POLG: variants seen among roughly 807,000 people sequenced by gnomAD.
POLG encodes the protein DNA polymerase subunit gamma-1.
POLG carries 110 observed loss-of-function variants against 155.4 expected under a neutral mutation model. The ratio of observed to expected loss-of-function variants is 0.71; its 90% CI spans 0.61 to 0.83. POLG has a LOEUF of 0.83. Ranked by LOEUF, POLG falls within the 40% of genes least tolerant of loss-of-function variation. POLG has a pLI of 0.00. For missense variants in POLG, 1,685 were observed against 1,627.5 expected (o/e 1.04, Z -0.61); for synonymous variants, 701 against 631.5 (o/e 1.11, Z -1.65).
intron 6 of POLG, among the ~76,000 whole-genome samples, chr15:89,328,086 A>C (rs931068950): frequency 1.3e-5 from 2 of 151,366 alleles, no homozygotes; most frequent in Non-Finnish European, 2.9e-5. Flanking sequence ...TTTTCTTTCC[A>C]TATCTTTGGT....
At chr15:89,329,955 C>T (rs372653026) in intron 3 of POLG, 126 bp downstream of exon 3, 51 of 807,374 alleles carry the variant, frequency 6.3e-5, no homozygotes, top group African/African-American at 4.0e-4. Flanking sequence ...TCAACAGATG[C>T]GCCTTGCGGC....
At chr15:89,332,703 T>G (rs1293235589) in intron 2 of POLG, among the ~76,000 whole-genome samples, 1 of 152,124 alleles carries the variant, frequency 6.6e-6, no homozygotes, top group East Asian at 1.9e-4. Context: ...GGGAGCTTTC[T>G]ACCGCCCAAA....
At chr15:89,334,021 G>A in intron 1 of POLG, 108 bp from the exon 2 acceptor site, 2 of 536,152 alleles carry the variant, frequency 3.7e-6, no homozygotes, top group East Asian at 3.4e-5. Flanking sequence ...TGTGCCAGGC[G>A]CTTCAGTTGC....
chr15:89,325,831 C>G, intron 9 of POLG, 145 bp from the exon 10 acceptor site: 1 of 739,740 alleles, frequency 1.4e-6, no homozygotes, highest in Non-Finnish European at 2.4e-6. Context: ...ATCCCCTCCT[C>G]TGGGATGCTT....
chr15:89,319,006 C>T lies in POLG; in HGVS notation c.3198G>A (p.Thr1066=), dbSNP rs61752780. 7.2e-3 allele frequency: 11,586 copies of T among 1,614,144 alleles called. 62 individuals carry two copies. Among genetic ancestry groups the T allele is most frequent in the South Asian group, 0.013 (1,177 of 91,076 alleles). Reference sequence around the variant, plus strand: ...GCACCGGGGTACGTGGTATGTCAGACGTAGCAATGCTCTCAAGCTTATTGA... The same window carrying T: ...GCACCGGGGTACGTGGTATGTCAGATGTAGCAATGCTCTCAAGCTTATTGA... ...EMFNKLESIA[T]SDIPRTPVLG... The change falls in exon 20 of 23, where the codon ACG becomes ACA. Residue 1066 remains threonine (T), a synonymous_variant. Coordinates refer to ENST00000268124, the MANE Select transcript of POLG (RefSeq NM_002693.3).
chr15:89,319,522 G>C, intron 18 of POLG, 172 bp from the exon 19 acceptor site: 3 of 859,386 alleles, frequency 3.5e-6, no homozygotes, highest in African/African-American at 1.7e-5. Context: ...TAAGTGCCTT[G>C]CCTAGGATCA....
chr15:89,323,355 T>C (rs2055425531), intron 13 of POLG, 49 bp downstream of exon 13: 1 of 1,228,616 alleles, frequency 8.1e-7, no homozygotes, highest in Non-Finnish European at 1.2e-6. Context: ...CTGTGGGCCT[T>C]GAGCAGAATG....
chr15:89,323,270 T>G, intron 13 of POLG, 134 bp downstream of exon 13: 1 of 704,228 alleles, frequency 1.4e-6, no homozygotes, highest in Non-Finnish European at 2.6e-6. Context: ...AGTATGTGCC[T>G]GAAATCACAC....
At chr15:89,327,834 C>T (rs1470209806) in intron 6 of POLG, among the ~76,000 whole-genome samples, 1 of 151,986 alleles carries the variant, frequency 6.6e-6, no homozygotes, top group East Asian at 1.9e-4. Flanking sequence ...GCCTACTCAA[C>T]GTGAAGGATA....
chr15:89,319,816 AC>A (rs2152060197), intron 18 of POLG, among the ~76,000 whole-genome samples: 1 of 152,214 alleles, frequency 6.6e-6, no homozygotes, highest in East Asian at 1.9e-4. Context: ...GGCCTGGCTT[AC>A]CCCTCTCAAC....
chr15:89,318,478 A>C, intron 21 of POLG, 63 bp downstream of exon 21: 1 of 1,379,818 alleles, frequency 7.2e-7, no homozygotes, highest in South Asian at 1.2e-5. Flanking sequence ...GGCCCAAGGA[A>C]CGCTCACCCA....
In POLG at chr15:89,321,130, A is replaced by C; in HGVS notation, c.2729T>G (p.Met910Arg). Residue 910 changes from methionine (M) to arginine (R), a missense_variant, in exon 17 of 23, where the codon ATG (methionine) becomes AGG (arginine). Transcript: ENST00000268124. Reference protein sequence around the residue: ...AVLGDAHFAGMHGCTAFGWMT... With the variant: ...AVLGDAHFAGRHGCTAFGWMT... Reference sequence around the variant, plus strand: ...CAACCCCGGCTCCTGCTCACCATGCATGCCGGCAAAGTGGGCGTCTCCAAG... The same window carrying C: ...CAACCCCGGCTCCTGCTCACCATGCCTGCCGGCAAAGTGGGCGTCTCCAAG... 6.2e-7 allele frequency: 1 copy of C among 1,614,238 alleles called. No homozygotes were observed. The highest frequency in any genetic ancestry group is 8.5e-7 in the Non-Finnish European group (1 of 1,180,038).
chr15:89,326,841 G>A (rs1288358944), intron 8 of POLG, 71 bp downstream of exon 8: 1 of 1,608,940 alleles, frequency 6.2e-7, no homozygotes, highest in South Asian at 1.1e-5. Context: ...CCTTTCGAAG[G>A]ACCCCCTCAA....
At chr15:89,319,467 T>TC (rs775262502) in intron 18 of POLG, 117 bp from the exon 19 acceptor site, 30 of 1,372,058 alleles carry the variant, frequency 2.2e-5, no homozygotes, top group African/African-American at 1.9e-4. Flanking sequence ...ATCATGCCAG[T>TC]CCCCTAAAGG....
chr15:89,317,218 C>A, intron 22 of POLG, 158 bp downstream of exon 22: 1 of 685,212 alleles, frequency 1.5e-6, no homozygotes, highest in South Asian at 1.7e-5. Context: ...ATCACATTCA[C>A]TCTGGACACA....
At chr15:89,318,808 G>C in intron 20 of POLG, 59 bp from the exon 21 acceptor site, 1 of 1,562,308 alleles carries the variant, frequency 6.4e-7, no homozygotes, top group South Asian at 1.1e-5. Context: ...ATTAACTCCA[G>C]GGTAGAAGCC....
Position 89,321,870 on chromosome 15 carries a change from G to A in POLG, c.2481-17C>T, listed in dbSNP as rs552156978. ...TCGGGGTGCCTGGTGGGGTGCAGGG[G>A]AAGGAAATGGGTCTTAGCAGGGTGC... is the stretch of plus-strand genomic sequence containing the variant. On this transcript the variant is annotated splice_polypyrimidine_tract_variant and intron_variant, in intron 15 of 22. Coordinates refer to ENST00000268124, the MANE Select transcript of POLG (RefSeq NM_002693.3). The A allele has an allele frequency of 5.0e-6, 8 of 1,609,574 alleles. No homozygotes were observed. The Admixed American group carries it at 8.3e-5, about 17-fold the overall frequency.
At chr15:89,323,049 A>ACGCG (rs1225494534) in intron 13 of POLG, 147 bp from the exon 14 acceptor site, 2 of 753,888 alleles carry the variant, frequency 2.7e-6, no homozygotes, top group Admixed American at 2.4e-5. Context: ...GCACGCGCGC[A>ACGCG]CGCGCGCACG....
Position 89,333,408 on chromosome 15 carries a change from G to C in POLG, c.347C>G (p.Pro116Arg), listed in dbSNP as rs747828222. The C allele has an allele frequency of 1.2e-6, 2 of 1,604,380 alleles. No homozygotes were observed. Among genetic ancestry groups the C allele is most frequent in the African/African-American group, 2.7e-5 (2 of 74,856 alleles). Reference protein sequence around the residue: ...HLQKHGLWGQPAVPLPDVELR... With the variant: ...HLQKHGLWGQRAVPLPDVELR... ...CTCCACGTCGGGCAAGGGCACGGCT[G>C]GCTGCCCCCAGAGCCCGTGCTTCTG... The change falls in exon 2 of 23, where the codon CCA (proline) becomes CGA (arginine). Residue 116 changes from proline (P) to arginine (R), a missense_variant. Physicochemically the swap from Pro to Arg is moderately radical, Grantham distance 103 (BLOSUM62 -2). Transcript: ENST00000268124.
Sources: allele counts gnomAD v4.1 joint callset (sites outside exome capture counted in the v4.1 genomes callset), GRCh38; gene constraint gnomAD v4.1.1; transcripts MANE v1.5; gene names NCBI Gene and HGNC (gene_info 2026-07-23, HGNC 2026-07-21).